Variants in BMP7 observed in about 807,000 individuals in gnomAD.
The protein encoded by BMP7 is bone morphogenetic protein 7.
In BMP7, 12 loss-of-function variants were observed where a neutral mutation model predicts 41.2. The ratio of observed to expected loss-of-function variants is 0.29; its 90% CI spans 0.19 to 0.47. The LOEUF (loss-of-function observed/expected upper bound fraction) is 0.47. BMP7 is among the 20% of genes least tolerant of loss of function. BMP7 has a pLI of 0.99. For synonymous variants in BMP7, 248 were observed against 250.0 expected (o/e 0.99, Z 0.07); for missense variants, 467 against 606.0 (o/e 0.77, Z 2.41).
intron 1 of BMP7, among the ~76,000 whole-genome samples, chr20:57,229,700 A>C (rs2066021555): frequency 6.6e-6 from 1 of 152,194 alleles, no homozygotes; most frequent in South Asian, 2.1e-4. Flanking sequence ...AGAGGGAGAA[A>C]GAGCAGAACC....
At chr20:57,194,865 C>G (rs1247788503) in intron 3 of BMP7, among the ~76,000 whole-genome samples, 1 of 152,208 alleles carries the variant, frequency 6.6e-6, no homozygotes, top group Non-Finnish European at 1.5e-5. Flanking sequence ...AGCCTGTGAG[C>G]TCGACCCCTG....
rs1354338834 is a variant in BMP7 at position 57,171,022 on chromosome 20, G to A, written c.1233C>T (p.Asp411=). ...ATTTCTTCAGGATGACGTTGGAGCT[G>A]TCATCGAAGTAGAGGACGGAGATGG... ...LNAISVLYFD[D]SSNVILKKYR... is the part of the protein sequence containing the mutation. Residue 411 remains aspartate, a synonymous_variant, in exon 7 of 7, where the codon GAC becomes GAT. Coordinates refer to ENST00000395863, the MANE Select transcript of BMP7 (RefSeq NM_001719.3). This position sits in a 1 kb window ranked among gnomAD's most constrained non-coding sequence, Gnocchi z 4.5. 3.1e-6 allele frequency: 5 copies of A among 1,614,218 alleles called. No homozygotes were observed. In the South Asian group the frequency reaches 3.3e-5, roughly 11 times the overall value.
At chr20:57,201,251 A>G (rs1361188191) in intron 3 of BMP7, among the ~76,000 whole-genome samples, 2 of 152,238 alleles carry the variant, frequency 1.3e-5, no homozygotes, top group Admixed American at 1.3e-4. Context: ...AAATCCTCTC[A>G]TCACCTGCAT....
intron 1 of BMP7, among the ~76,000 whole-genome samples, chr20:57,231,181 A>G (rs915066948): frequency 1.3e-5 from 2 of 152,192 alleles, no homozygotes; most frequent in African/African-American, 4.8e-5. Flanking sequence ...CATCTTTCGT[A>G]TCTGGCTTCT....
In BMP7 at chr20:57,225,976, C is replaced by T. The variant is rs140442033; in HGVS notation, c.611+2253G>A. Reference sequence around the variant, plus strand: ...CAGGTACCTGTGCTGAGGAGGGACTCAGTCACTCAGCAGCCCAGAAGCCCC... The same window carrying T: ...CAGGTACCTGTGCTGAGGAGGGACTTAGTCACTCAGCAGCCCAGAAGCCCC... On this transcript the variant is annotated intron_variant, in intron 2 of 6. Coordinates refer to ENST00000395863, the MANE Select transcript of BMP7 (RefSeq NM_001719.3). 369 of 470,912 alleles carry T rather than the reference C, an allele frequency of 7.8e-4. 1 individual carries two copies. Among genetic ancestry groups the T allele is most frequent in the African/African-American group, 6.5e-3 (324 of 50,214 alleles). 29.2% of individuals were successfully genotyped at this position (470,912 alleles called of 1,614,324 possible). A position where few individuals can be genotyped will look rare whatever the true frequency, so the allele number is the denominator to read the frequency against.
chr20:57,217,079 C>T (rs959585463), intron 2 of BMP7, among the ~76,000 whole-genome samples: 18 of 152,160 alleles, frequency 1.2e-4, no homozygotes, highest in African/African-American at 3.4e-4. Flanking sequence ...AGGCAGGACT[C>T]AGCTGGAGAA....
intron 1 of BMP7, among the ~76,000 whole-genome samples, chr20:57,253,094 T>C (rs1253415526): frequency 1.3e-5 from 2 of 152,108 alleles, no homozygotes; most frequent in Non-Finnish European, 2.9e-5. Context: ...CCCACCCCCT[T>C]CCATCCCCAC....
chr20:57,231,677 T>C (rs747522715), intron 1 of BMP7, among the ~76,000 whole-genome samples: 4 of 152,178 alleles, frequency 2.6e-5, no homozygotes, highest in East Asian at 3.9e-4. Flanking sequence ...AGTCGTGCCA[T>C]GATTCAACTT....
At chr20:57,195,230 G>A (rs1281069467) in intron 3 of BMP7, among the ~76,000 whole-genome samples, 6 of 152,220 alleles carry the variant, frequency 3.9e-5, no homozygotes, top group Non-Finnish European at 5.9e-5. Context: ...CACCCACGCC[G>A]CACAGGGGTG....
intron 3 of BMP7, among the ~76,000 whole-genome samples, chr20:57,200,322 T>C (rs899072543): frequency 2.6e-5 from 4 of 152,224 alleles, no homozygotes; most frequent in African/African-American, 9.6e-5. Flanking sequence ...GATTTGAACC[T>C]GGGGAGCCTG....
intron 3 of BMP7, 43 bp downstream of exon 3, chr20:57,202,432 G>A: frequency 1.9e-6 from 3 of 1,595,944 alleles, no homozygotes; most frequent in Non-Finnish European, 2.5e-6. Flanking sequence ...TGAAGTCCAG[G>A]AGCACAGGCT....
rs372973923 is a variant in BMP7 at position 57,173,297 on chromosome 20, G to A, written c.1049C>T (p.Ala350Val). ...GTAGTAGGCGGCGTAGCCTTCAGGC[G>A]CGATGATCCAGTCCTGAGGAGGAGA... ...RDLGWQDWII[A>V]PEGYAAYYCE... Residue 350 changes from alanine to valine, a missense_variant, in exon 6 of 7, where the codon GCG (alanine) becomes GTG (valine). Physicochemically the swap from Ala to Val is moderately conservative, Grantham distance 64 (BLOSUM62 0). This residue lies in a region of BMP7 where 60 missense variants were observed against 120.1 expected (regional missense o/e 0.50). Transcript: ENST00000395863. 9.3e-6 allele frequency: 15 copies of A among 1,613,986 alleles called. No homozygotes were observed. The highest frequency in any genetic ancestry group is 1.0e-5 in the Non-Finnish European group (12 of 1,179,996).
At position 57,259,074 on chromosome 20, in the gene BMP7, C is replaced by T. The variant is rs192481576; in HGVS notation, c.418+6631G>A. On this transcript the variant is annotated intron_variant, in intron 1 of 6. Transcript: ENST00000395863. The surrounding 1 kb of genome is among the most constrained non-coding windows in gnomAD (Gnocchi z 4.7). ...TGCCCAAGGTCACACAGCTAATGTG[C>T]TGTCATAGTGGAAACAGACACATAG... 6.6e-6 allele frequency among the ~76,000 whole-genome samples: 1 copy of T among 152,314 alleles called. No homozygotes were observed. The highest frequency in any genetic ancestry group is 1.5e-5 in the Non-Finnish European group (1 of 68,020).
At chr20:57,173,769 C>T (rs1441298947) in intron 5 of BMP7, among the ~76,000 whole-genome samples, 1 of 152,200 alleles carries the variant, frequency 6.6e-6, no homozygotes, top group Non-Finnish European at 1.5e-5. Context: ...CAATCATCAG[C>T]TCTACCCCCA....
intron 1 of BMP7, among the ~76,000 whole-genome samples, chr20:57,241,469 G>A (rs1254881453): frequency 6.6e-6 from 1 of 152,180 alleles, no homozygotes; most frequent in African/African-American, 2.4e-5. Context: ...CAGATTGGGG[G>A]GCAGGGCCCT....
intron 1 of BMP7, among the ~76,000 whole-genome samples, chr20:57,240,825 T>C (rs994769141): frequency 7.2e-5 from 11 of 152,302 alleles, no homozygotes; most frequent in Admixed American, 2.6e-4. Context: ...AAGACTGGAC[T>C]CCATGATTCA....
At chr20:57,191,828 T>C (rs973798789) in intron 3 of BMP7, among the ~76,000 whole-genome samples, 1 of 142,046 alleles carries the variant, frequency 7.0e-6, no homozygotes, top group Admixed American at 7.3e-5. Flanking sequence ...TTTTATATAT[T>C]ATACATATTT....
chr20:57,180,612 G>C (rs970317243), intron 4 of BMP7, among the ~76,000 whole-genome samples: 1 of 152,128 alleles, frequency 6.6e-6, no homozygotes, highest in Non-Finnish European at 1.5e-5. Flanking sequence ...GTGGGTGTTC[G>C]ACATTGAATC....
chr20:57,265,792 A>G lies in BMP7; in HGVS notation c.331T>C (p.Phe111Leu), dbSNP rs748948590. The G allele has an allele frequency of 1.7e-5, 27 of 1,609,812 alleles. No homozygotes were observed. Among genetic ancestry groups the G allele is most frequent in the Non-Finnish European group, 2.1e-5 (25 of 1,178,530 alleles). ...GCCAGAGGGGGGCCCTGGGTACTGA[A>G]GACGGCCTTGTAGGGGTAGGAGAAG... is the stretch of plus-strand genomic sequence containing the variant. ...QGFSYPYKAV[F>L]STQGPPLASL... Residue 111 changes from phenylalanine to leucine, a missense_variant, in exon 1 of 7, where the codon TTC (phenylalanine) becomes CTC (leucine). Physicochemically the swap from Phe to Leu is conservative, Grantham distance 22. Around this residue, in one of 2 missense-constraint regions of BMP7, gnomAD observed 407 missense variants for 485.9 expected, o/e 0.84. Coordinates refer to ENST00000395863, the MANE Select transcript of BMP7 (RefSeq NM_001719.3).
Sources: allele counts gnomAD v4.1 joint callset (sites outside exome capture counted in the v4.1 genomes callset), GRCh38; gene constraint gnomAD v4.1.1; regional missense constraint gnomAD v4.1.1; non-coding constraint Gnocchi (gnomAD v3.1); transcripts MANE v1.5; gene names NCBI Gene and HGNC (gene_info 2026-07-23, HGNC 2026-07-21).